The following PPM1E variants were observed in gnomAD, a reference collection of about 807,000 sequenced individuals.
PPM1E encodes the protein protein phosphatase, Mg2+/Mn2+ dependent 1E, also known as protein phosphatase 1E.
Under a neutral mutation model 65.9 loss-of-function variants are expected in PPM1E, and 20 were observed. The ratio of observed to expected loss-of-function variants is 0.30; its 90% CI spans 0.21 to 0.44. PPM1E has a LOEUF of 0.44. PPM1E is among the 20% of genes least tolerant of loss of function. The pLI is 1.00. For missense variants in PPM1E, 713 were observed against 953.1 expected (o/e 0.75, Z 3.32); for synonymous variants, 352 against 374.9 (o/e 0.94, Z 0.70).
intron 1 of PPM1E, among the ~76,000 whole-genome samples, chr17:58,946,119 C>T (rs1318955781): frequency 6.6e-6 from 1 of 152,078 alleles, no homozygotes; most frequent in African/African-American, 2.4e-5. Flanking sequence ...CCAAGAACTG[C>T]TTCATAAGAC....
intron 1 of PPM1E, among the ~76,000 whole-genome samples, chr17:58,943,038 A>T (rs1308490149): frequency 1.3e-5 from 2 of 151,570 alleles, no homozygotes; most frequent in African/African-American, 2.4e-5. Flanking sequence ...ACAAGTAAAA[A>T]TTTTTTTTAA....
intron 1 of PPM1E, among the ~76,000 whole-genome samples, chr17:58,868,510 T>A (rs1036346006): frequency 2.0e-5 from 3 of 151,876 alleles, no homozygotes; most frequent in African/African-American, 7.2e-5. Flanking sequence ...TCCTTTTCTT[T>A]GGACTGTTTT....
At chr17:58,966,844 A>G (rs2030285839) in intron 3 of PPM1E, 1 of 152,458 alleles carries the variant, frequency 6.6e-6, no homozygotes, top group Non-Finnish European at 1.5e-5. Flanking sequence ...TAGCAGCTAA[A>G]TTTACATTTT....
At chr17:58,794,367 C>T (rs1020914201) in intron 1 of PPM1E, among the ~76,000 whole-genome samples, 1 of 152,156 alleles carries the variant, frequency 6.6e-6, no homozygotes, top group Non-Finnish European at 1.5e-5. Context: ...TGTGGGCCAC[C>T]ATGCCTGGCC....
chr17:58,972,756 C>G, intron 5 of PPM1E, 76 bp from the exon 6 acceptor site: 1 of 1,277,732 alleles, frequency 7.8e-7, no homozygotes. Flanking sequence ...AGTATTATAT[C>G]TGTTGTTTAC....
intron 1 of PPM1E, among the ~76,000 whole-genome samples, chr17:58,825,391 T>C (rs2050525306): frequency 6.6e-6 from 1 of 151,950 alleles, no homozygotes; most frequent in Non-Finnish European, 1.5e-5. Flanking sequence ...GCAATATTAG[T>C]GAGACTGTCT....
rs183759000 is a variant in PPM1E, at chr17:58,876,754, A to C, written c.465-78895A>C. ...ATGTCTTCAGGAAGTGGCTGTAAAA[A>C]ATATACCTGTCAGTTGACAAATGTG... is the stretch of plus-strand genomic sequence containing the variant. On this transcript the variant is annotated intron_variant, in intron 1 of 6. Transcript: ENST00000308249. Among the ~76,000 whole-genome samples, 207 of 152,316 alleles carry C rather than the reference A, an allele frequency of 1.4e-3. 2 individuals carry two copies. Among genetic ancestry groups the C allele is most frequent in the South Asian group, 4.4e-3 (21 of 4,824 alleles).
chr17:58,923,974 A>C (rs917542870), intron 1 of PPM1E, among the ~76,000 whole-genome samples: 1 of 128,816 alleles, frequency 7.8e-6, no homozygotes, highest in African/African-American at 2.9e-5. Flanking sequence ...GCTGGAGTGC[A>C]GTGGCGTGAT....
rs531261242 is a variant in PPM1E at position 58,968,221 on chromosome 17, A to G, written c.784-1318A>G. ...TAACATTTTGGTTATTATTCTATGG[A>G]CATTTATATTTGATACTTTTGTGAA... On this transcript the variant is annotated intron_variant, in intron 3 of 6. Transcript: ENST00000308249. Among the ~76,000 whole-genome samples, 4 of 152,286 alleles carry G rather than the reference A, an allele frequency of 2.6e-5. No individual in the cohort carries two copies. The East Asian group carries it at 5.8e-4, about 22-fold the overall frequency.
intron 1 of PPM1E, among the ~76,000 whole-genome samples, chr17:58,921,616 A>T (rs1237019800): frequency 2.0e-5 from 3 of 151,550 alleles, no homozygotes; most frequent in Non-Finnish European, 4.4e-5. Flanking sequence ...GTGAGCCGTG[A>T]TCGTGCCACT....
intron 1 of PPM1E, among the ~76,000 whole-genome samples, chr17:58,935,971 C>T (rs372908539): frequency 6.7e-6 from 1 of 148,194 alleles, no homozygotes; most frequent in Admixed American, 6.8e-5. Context: ...TCTCTCCCCC[C>T]TCCCGCCACC....
chr17:58,905,759 C>A (rs1002991730), intron 1 of PPM1E, among the ~76,000 whole-genome samples: 3 of 151,882 alleles, frequency 2.0e-5, no homozygotes, highest in Non-Finnish European at 4.4e-5. Context: ...AGCCTATTTC[C>A]CTTTTTTAAT....
chr17:58,892,791 C>A (rs1330891776), intron 1 of PPM1E, among the ~76,000 whole-genome samples: 1 of 152,140 alleles, frequency 6.6e-6, no homozygotes, highest in Non-Finnish European at 1.5e-5. Flanking sequence ...GACCTGAACA[C>A]ACACTTTACC....
In PPM1E at chr17:58,845,112, T is replaced by A. The variant is rs78607899; in HGVS notation, c.464+88651T>A. ...CCTTAACAGTGTTGCTAATCACTTA[T>A]GCGAAATGTGTGACCAAGTCTACAT... is the stretch of plus-strand genomic sequence containing the variant. On this transcript the variant is annotated intron_variant, in intron 1 of 6. Coordinates refer to ENST00000308249, the MANE Select transcript of PPM1E (RefSeq NM_014906.5). 7.2e-5 allele frequency among the ~76,000 whole-genome samples: 11 copies of A among 152,294 alleles called. No individual in the cohort carries two copies. In the East Asian group the frequency reaches 2.1e-3, roughly 29 times the overall value.
intron 1 of PPM1E, among the ~76,000 whole-genome samples, chr17:58,832,005 T>C (rs919154629): frequency 2.0e-5 from 3 of 152,206 alleles, no homozygotes; most frequent in Non-Finnish European, 2.9e-5. Context: ...TGGTAAGCAC[T>C]GTTTTTTAGT....
intron 1 of PPM1E, among the ~76,000 whole-genome samples, chr17:58,919,504 G>C (rs930452149): frequency 7.9e-5 from 12 of 152,104 alleles, no homozygotes; most frequent in African/African-American, 2.9e-4. Flanking sequence ...AAAAGATAGA[G>C]GCTGGGCACG....
chr17:58,816,881 C>A (rs376825269), intron 1 of PPM1E, among the ~76,000 whole-genome samples: 51 of 148,896 alleles, frequency 3.4e-4, no homozygotes, highest in African/African-American at 1.1e-3. Context: ...CCGCAACCTC[C>A]ACCTCCCAGG....
At chr17:58,763,547 T>C (rs1449653120) in intron 1 of PPM1E, among the ~76,000 whole-genome samples, 1 of 152,166 alleles carries the variant, frequency 6.6e-6, no homozygotes, top group Non-Finnish European at 1.5e-5. Flanking sequence ...TGGTGGCTCC[T>C]GCCCTACAGA....
At chr17:58,767,439 C>T (rs1186389867) in intron 1 of PPM1E, among the ~76,000 whole-genome samples, 5 of 152,092 alleles carry the variant, frequency 3.3e-5, no homozygotes, top group Admixed American at 6.6e-5. Context: ...ACATTTCCTA[C>T]GGGGAAAAAT....
Sources: allele counts gnomAD v4.1 joint callset (sites outside exome capture counted in the v4.1 genomes callset), GRCh38; gene constraint gnomAD v4.1.1; transcripts MANE v1.5; gene names NCBI Gene and HGNC (gene_info 2026-07-23, HGNC 2026-07-21).